Variants in ZFHX3 observed in about 807,000 individuals in gnomAD.
The protein encoded by ZFHX3 is zinc finger homeobox protein 3.
In ZFHX3, 42 loss-of-function variants were observed where a neutral mutation model predicts 279.1. The ratio of observed to expected loss-of-function variants is 0.15; its 90% confidence interval spans 0.12 to 0.19. ZFHX3 has a LOEUF of 0.19. Among genes scored for constraint, ZFHX3 ranks in the 10% least tolerant of loss-of-function variants. The probability of loss-of-function intolerance (pLI) is 1.00; values close to 1 mark genes in which losing one functional copy is unlikely to be tolerated. For synonymous variants in ZFHX3, 2,293 were observed against 1,957.8 expected (o/e 1.17, Z -4.52); for missense variants, 4,981 against 4,754.0 (o/e 1.05, Z -1.40).
At chr16:72,829,639 C>T in intron 5 of ZFHX3, 140 bp downstream of exon 5, 1 of 825,152 alleles carries the variant, frequency 1.2e-6, no homozygotes, top group Non-Finnish European at 2.0e-6. Context: ...AAATCTCCCT[C>T]CCACTCATCC....
intron 4 of ZFHX3, among the ~76,000 whole-genome samples, chr16:72,865,177 A>G (rs539485624): frequency 5.9e-5 from 9 of 152,356 alleles, no homozygotes; most frequent in African/African-American, 2.2e-4. Flanking sequence ...CTGTGACTTG[A>G]AAGAGTCTCA....
At chr16:73,860,972 T>C (rs1396447585) in intron 1 of ZFHX3, among the ~76,000 whole-genome samples, 2 of 150,042 alleles carry the variant, frequency 1.3e-5, no homozygotes, top group Middle Eastern at 3.2e-3. Context: ...ACTGCTTGTA[T>C]ATTTTTTGCA....
chr16:73,380,721 T>C (rs986046521), intron 3 of ZFHX3, among the ~76,000 whole-genome samples: 8 of 152,134 alleles, frequency 5.3e-5, no homozygotes, highest in Non-Finnish European at 1.2e-4. Context: ...GGAACTTGAG[T>C]GGCCAGGTGC....
At chr16:73,208,788 A>C (rs1282752221) in intron 5 of ZFHX3, among the ~76,000 whole-genome samples, 1 of 152,238 alleles carries the variant, frequency 6.6e-6, no homozygotes, top group African/African-American at 2.4e-5. Flanking sequence ...AATGAATAAA[A>C]TACTTGGGAA....
chr16:73,187,532 A>G (rs980330108), intron 5 of ZFHX3, among the ~76,000 whole-genome samples: 5 of 151,916 alleles, frequency 3.3e-5, no homozygotes, highest in South Asian at 2.1e-4. Context: ...GTGTGGTGAG[A>G]CTCCTGTGGC....
chr16:73,616,522 C>G (rs2052303387), intron 2 of ZFHX3, among the ~76,000 whole-genome samples: 1 of 151,144 alleles, frequency 6.6e-6, no homozygotes, highest in Admixed American at 6.6e-5. Context: ...AATTTAAAAG[C>G]TTTTGTAACT....
intron 5 of ZFHX3, among the ~76,000 whole-genome samples, chr16:73,249,570 C>A (rs1001227687): frequency 3.3e-5 from 5 of 152,170 alleles, no homozygotes; most frequent in African/African-American, 9.7e-5. Context: ...CCCCAAGATT[C>A]AGTTATCTCC....
intron 1 of ZFHX3, among the ~76,000 whole-genome samples, chr16:73,703,540 T>G (rs1183277675): frequency 6.7e-6 from 1 of 150,088 alleles, no homozygotes; most frequent in African/African-American, 2.5e-5. Flanking sequence ...AGGATGAAGG[T>G]CTATAATTTC....
chr16:73,587,351 C>G (rs781673249), intron 2 of ZFHX3, among the ~76,000 whole-genome samples: 30 of 152,162 alleles, frequency 2.0e-4, no homozygotes, highest in Non-Finnish European at 5.9e-5. Context: ...GGAACCATAA[C>G]TAGTGACAAA....
At chr16:73,333,289 G>A (rs763508744) in intron 3 of ZFHX3, among the ~76,000 whole-genome samples, 17 of 151,924 alleles carry the variant, frequency 1.1e-4, no homozygotes, top group African/African-American at 2.2e-4. Context: ...AGATAGACAC[G>A]TAGTAGACAG....
chr16:73,118,365 T>A (rs1966456772), intron 7 of ZFHX3, among the ~76,000 whole-genome samples: 1 of 152,088 alleles, frequency 6.6e-6, no homozygotes, highest in African/African-American at 2.4e-5. Flanking sequence ...TGTGCCACCA[T>A]GCCTGCCTAA....
At chr16:73,495,616 A>G (rs559798460) in intron 2 of ZFHX3, among the ~76,000 whole-genome samples, 2 of 151,712 alleles carry the variant, frequency 1.3e-5, no homozygotes, top group East Asian at 2.0e-4. Flanking sequence ...TGCCCTTACA[A>G]TCTCACCTCA....
intron 8 of ZFHX3, chr16:73,092,714 T>C: frequency 3.0e-6 from 1 of 329,558 alleles, no homozygotes; most frequent in Non-Finnish European, 6.0e-6. Flanking sequence ...TCTCTCGCGC[T>C]CTGGGAGAGC....
At chr16:73,525,193 G>A (rs759968587) in intron 2 of ZFHX3, among the ~76,000 whole-genome samples, 4 of 152,118 alleles carry the variant, frequency 2.6e-5, no homozygotes, top group African/African-American at 9.7e-5. Flanking sequence ...TCCTGTTGGC[G>A]ATTTTTCTTC....
At chr16:73,352,376 C>A (rs2016258829) in intron 3 of ZFHX3, among the ~76,000 whole-genome samples, 2 of 150,600 alleles carry the variant, frequency 1.3e-5, no homozygotes, top group Admixed American at 1.3e-4. Context: ...ATTTCTTCAT[C>A]TTTGAAATGA....
intron 5 of ZFHX3, among the ~76,000 whole-genome samples, chr16:73,197,102 C>G (rs1968167125): frequency 6.6e-6 from 1 of 152,156 alleles, no homozygotes; most frequent in Non-Finnish European, 1.5e-5. Flanking sequence ...AACAATCCCC[C>G]CCTTCAACTT....
intron 3 of ZFHX3, among the ~76,000 whole-genome samples, chr16:72,947,642 C>T (rs1385051606): frequency 6.6e-6 from 1 of 151,940 alleles, no homozygotes; most frequent in African/African-American, 2.4e-5. Context: ...CACTAGGTGC[C>T]GCGGAGAGCA....
chr16:73,535,064 T>C (rs1176581927), intron 2 of ZFHX3, among the ~76,000 whole-genome samples: 2 of 152,122 alleles, frequency 1.3e-5, no homozygotes, highest in Non-Finnish European at 2.9e-5. Context: ...AAACTTTGAT[T>C]TGTAGTGTTA....
intron 1 of ZFHX3, among the ~76,000 whole-genome samples, chr16:73,837,772 G>A (rs931821880): frequency 1.3e-5 from 2 of 152,172 alleles, no homozygotes; most frequent in South Asian, 4.1e-4. Flanking sequence ...GAGTAGCTGG[G>A]ATTACAGGCA....
Sources: allele counts gnomAD v4.1 joint callset (sites outside exome capture counted in the v4.1 genomes callset), GRCh38; gene constraint gnomAD v4.1.1; transcripts MANE v1.5; gene names NCBI Gene and HGNC (gene_info 2026-07-23, HGNC 2026-07-21).